LINGO2: variants seen among roughly 807,000 people sequenced by gnomAD.
LINGO2 encodes leucine rich repeat and Ig domain containing 2.
In LINGO2, 14 loss-of-function variants were observed where a neutral mutation model predicts 30.6. That is an observed-to-expected ratio of 0.46 (90% CI 0.30 to 0.72). The LOEUF is 0.72. Ranked by LOEUF, LINGO2 falls within the 30% of genes least tolerant of loss-of-function variation. The probability of loss-of-function intolerance (pLI) is 0.07; values close to 1 mark genes in which losing one functional copy is unlikely to be tolerated. For synonymous variants in LINGO2, 317 were observed against 288.5 expected (o/e 1.10, Z -1.00); for missense variants, 729 against 751.7 (o/e 0.97, Z 0.35).
chr9:28,573,343 C>G (rs1044641204), intron 1 of LINGO2, among the ~76,000 whole-genome samples: 1 of 152,134 alleles, frequency 6.6e-6, no homozygotes, highest in Non-Finnish European at 1.5e-5. Flanking sequence ...CATGTATACA[C>G]TAATTGCATA....
chr9:28,848,385 GTGTGTGTGTGTGTATA>G, the LINGO2 span, among the ~76,000 whole-genome samples: 128 of 54,408 alleles, frequency 2.4e-3, no homozygotes, highest in South Asian at 0.054. Flanking sequence ...GTGTGTGTGT[GTGTGTGTGTGTGTATA>G]TATATATATA....
intron 1 of LINGO2, among the ~76,000 whole-genome samples, chr9:28,572,506 TAAC>T (rs1823744244): frequency 6.6e-6 from 1 of 152,076 alleles, no homozygotes; most frequent in African/African-American, 2.4e-5. Flanking sequence ...CTGTGAAGCA[TAAC>T]AACAAGGCCG....
chr9:28,103,301 T>C (rs1169202917), intron 4 of LINGO2, among the ~76,000 whole-genome samples: 1 of 152,182 alleles, frequency 6.6e-6, no homozygotes, highest in Non-Finnish European at 1.5e-5. Flanking sequence ...TAAACGGTCA[T>C]GATTCTCCAT....
At chr9:29,185,266 C>T in the LINGO2 span, among the ~76,000 whole-genome samples, 1 of 152,020 alleles carries the variant, frequency 6.6e-6, no homozygotes, top group East Asian at 1.9e-4. Flanking sequence ...AGAAATGGTA[C>T]CCCTCAGAAT....
the LINGO2 span, among the ~76,000 whole-genome samples, chr9:28,986,267 T>C: frequency 2.6e-5 from 4 of 152,168 alleles, no homozygotes; most frequent in Admixed American, 2.6e-4. Context: ...CCATGTTATT[T>C]TAATTACTAT....
the LINGO2 span, among the ~76,000 whole-genome samples, chr9:28,751,336 T>C: frequency 0.01 from 1,518 of 149,970 alleles, 35 homozygotes; most frequent in African/African-American, 0.036. Flanking sequence ...ACTGCTTGCT[T>C]TTAGGAGAGG....
chr9:28,636,578 G>T (rs1484213244), intron 1 of LINGO2, among the ~76,000 whole-genome samples: 1 of 152,068 alleles, frequency 6.6e-6, no homozygotes, highest in South Asian at 2.1e-4. Flanking sequence ...TGGCCAGTGA[G>T]GATAAGCATA....
chr9:28,457,896 CA>C (rs2135105522), intron 2 of LINGO2, among the ~76,000 whole-genome samples: 1 of 152,218 alleles, frequency 6.6e-6, no homozygotes, highest in Admixed American at 6.5e-5. Context: ...CATAAATTTT[CA>C]TTAATAACAC....
chr9:28,607,539 T>C (rs912017953), intron 1 of LINGO2, among the ~76,000 whole-genome samples: 1 of 152,020 alleles, frequency 6.6e-6, no homozygotes, highest in African/African-American at 2.4e-5. Context: ...AAGTATGCCA[T>C]AGAACTTTCA....
chr9:28,790,507 T>G, the LINGO2 span, among the ~76,000 whole-genome samples: 10 of 150,844 alleles, frequency 6.6e-5, no homozygotes, highest in Non-Finnish European at 1.3e-4. Context: ...TTTTTGTATT[T>G]TTTTTTTTAG....
At chr9:28,891,706 C>T in the LINGO2 span, among the ~76,000 whole-genome samples, 14 of 151,914 alleles carry the variant, frequency 9.2e-5, no homozygotes, top group African/African-American at 3.4e-4. Flanking sequence ...ATCTTTATAG[C>T]TCTTTGACAA....
chr9:28,348,326 C>T (rs950298986), intron 3 of LINGO2, among the ~76,000 whole-genome samples: 10 of 152,276 alleles, frequency 6.6e-5, no homozygotes, highest in African/African-American at 1.9e-4. Context: ...CGAGGCATTG[C>T]CTCACTTGGG....
At chr9:28,855,574 T>C in the LINGO2 span, among the ~76,000 whole-genome samples, 5 of 152,102 alleles carry the variant, frequency 3.3e-5, no homozygotes, top group African/African-American at 1.2e-4. Flanking sequence ...ATTTTAGCTA[T>C]TCAAATATTT....
the LINGO2 span, chr9:27,940,985 T>G: frequency 6.9e-6 from 1 of 145,644 alleles, no homozygotes; most frequent in Non-Finnish European, 1.5e-5. Context: ...TTCAAAACTA[T>G]GCTTATGGGA....
At chr9:29,114,278 T>C in the LINGO2 span, among the ~76,000 whole-genome samples, 1 of 151,702 alleles carries the variant, frequency 6.6e-6, no homozygotes, top group Non-Finnish European at 1.5e-5. Flanking sequence ...TGAGTGAAAG[T>C]ACCACGGCTT....
At chr9:28,019,331 C>G (rs549436094) in intron 4 of LINGO2, among the ~76,000 whole-genome samples, 1,519 of 55,162 alleles carry the variant, frequency 0.028, 30 homozygotes, top group African/African-American at 0.099. Context: ...TTTTTTTTTT[C>G]CATTCCTTAG....
At chr9:28,959,719 C>T in the LINGO2 span, among the ~76,000 whole-genome samples, 2 of 151,564 alleles carry the variant, frequency 1.3e-5, no homozygotes, top group Non-Finnish European at 2.9e-5. Context: ...TAGTGACAAA[C>T]AGAATTATTG....
At chr9:28,123,807 G>C (rs1310170150) in intron 4 of LINGO2, among the ~76,000 whole-genome samples, 1 of 151,806 alleles carries the variant, frequency 6.6e-6, no homozygotes, top group African/African-American at 2.4e-5. Context: ...GGGACTACAG[G>C]CACCCGCCAC....
intron 3 of LINGO2, among the ~76,000 whole-genome samples, chr9:28,352,859 C>T (rs1242250011): frequency 6.7e-6 from 1 of 149,110 alleles, no homozygotes; most frequent in Non-Finnish European, 1.5e-5. Context: ...ATATCTACAA[C>T]TATCTGATCT....
Sources: gnomAD v4.1 joint callset for allele counts (sites outside exome capture counted in the v4.1 genomes callset) on GRCh38, gnomAD v4.1.1 for gene constraint, MANE v1.5 for transcripts, NCBI Gene and HGNC (gene_info 2026-07-23, HGNC 2026-07-21) for gene names.